SLC9A9: variants seen among roughly 807,000 people sequenced by gnomAD.
SLC9A9 encodes solute carrier family 9 member A9, also known as sodium/hydrogen exchanger 9.
SLC9A9 carries 62 observed loss-of-function variants against 77.8 expected under a neutral mutation model. The observed-to-expected ratio is 0.80, with a 90% CI of 0.65 to 0.98. The LOEUF (loss-of-function observed/expected upper bound fraction) is 0.98. Ranked by LOEUF, SLC9A9 falls within the 50% of genes least tolerant of loss-of-function variation. SLC9A9 has a pLI of 0.00. For missense variants in SLC9A9, 775 were observed against 774.9 expected, an observed-to-expected ratio of 1.00 and a Z score of 0.00; for synonymous variants, 320 against 283.5, an observed-to-expected ratio of 1.13 and a Z score of -1.29.
At chr3:143,685,929 G>A (rs1453569457) in intron 5 of SLC9A9, among the ~76,000 whole-genome samples, 4 of 152,148 alleles carry the variant, frequency 2.6e-5, no homozygotes, top group East Asian at 3.8e-4. Context: ...AAGAGGAAAG[G>A]CACATATCTT....
chr3:143,273,463 T>C (rs1937953892), intron 14 of SLC9A9, among the ~76,000 whole-genome samples: 2 of 152,156 alleles, frequency 1.3e-5, no homozygotes, highest in Admixed American at 1.3e-4. Context: ...GAAGAGATCA[T>C]GTGAGACCAT....
At chr3:143,618,330 G>C (rs2038142042) in intron 6 of SLC9A9, among the ~76,000 whole-genome samples, 2 of 152,136 alleles carry the variant, frequency 1.3e-5, no homozygotes, top group Non-Finnish European at 2.9e-5. Flanking sequence ...AGTATAGAGA[G>C]GGTCTTTGGA....
intron 11 of SLC9A9, among the ~76,000 whole-genome samples, chr3:143,473,024 A>G (rs1479006025): frequency 6.7e-6 from 1 of 150,138 alleles, no homozygotes; most frequent in East Asian, 1.9e-4. Flanking sequence ...TTTTTTCACT[A>G]GAAGTGCACA....
intron 12 of SLC9A9, among the ~76,000 whole-genome samples, chr3:143,426,630 GA>G (rs1207906716): frequency 1.3e-5 from 2 of 152,170 alleles, no homozygotes; most frequent in East Asian, 1.9e-4. Context: ...GCAGCATGCA[GA>G]AAAAAACATT....
rs967758872 is a variant in SLC9A9, at chr3:143,318,121, G to T, written c.1604+45363C>A. Among the ~76,000 whole-genome samples, 3 of 152,182 alleles carry T rather than the reference G, an allele frequency of 2.0e-5. No homozygotes were observed. In the East Asian group the frequency reaches 5.8e-4, roughly 29 times the overall value. ...GATTGTTATAACCACCAGCAGTGGG[G>T]CTGGATGTTGATGTAGTCTTTTTAT... On this transcript the variant is annotated intron_variant, in intron 14 of 15. Coordinates refer to ENST00000316549, the MANE Select transcript of SLC9A9 (RefSeq NM_173653.4).
At chr3:143,345,269 G>A (rs2032227308) in intron 14 of SLC9A9, among the ~76,000 whole-genome samples, 1 of 152,132 alleles carries the variant, frequency 6.6e-6, no homozygotes, top group African/African-American at 2.4e-5. Flanking sequence ...AGAAAAGAAG[G>A]GGGCCTTGGA....
chr3:143,420,899 C>T (rs895773397), intron 12 of SLC9A9, among the ~76,000 whole-genome samples: 2 of 150,162 alleles, frequency 1.3e-5, no homozygotes, highest in African/African-American at 4.9e-5. Context: ...CAAGACTCTG[C>T]CAAAAGGCTC....
intron 11 of SLC9A9, among the ~76,000 whole-genome samples, chr3:143,481,800 G>T (rs1444260456): frequency 6.6e-6 from 1 of 152,182 alleles, no homozygotes; most frequent in Non-Finnish European, 1.5e-5. Context: ...ATGGGGACTG[G>T]TAATTACTGT....
At chr3:143,755,355 T>G (rs2006888100) in intron 4 of SLC9A9, among the ~76,000 whole-genome samples, 1 of 152,222 alleles carries the variant, frequency 6.6e-6, no homozygotes, top group African/African-American at 2.4e-5. Context: ...AAAATAGTTA[T>G]GTGACCATAG....
chr3:143,710,388 GGT>G (rs1205227998), intron 4 of SLC9A9, among the ~76,000 whole-genome samples: 1 of 152,144 alleles, frequency 6.6e-6, no homozygotes, highest in African/African-American at 2.4e-5. Context: ...CTTCCTGGAA[GGT>G]GAATAAAATT....
At chr3:143,717,569 C>T (rs1378711430) in intron 4 of SLC9A9, among the ~76,000 whole-genome samples, 1 of 152,156 alleles carries the variant, frequency 6.6e-6, no homozygotes, top group Non-Finnish European at 1.5e-5. Flanking sequence ...TCCATTGGAG[C>T]TTAGTGGTGG....
chr3:143,699,628 T>C (rs1028741584), intron 4 of SLC9A9, among the ~76,000 whole-genome samples: 1 of 152,080 alleles, frequency 6.6e-6, no homozygotes, highest in Non-Finnish European at 1.5e-5. Context: ...AGAGGAAGTA[T>C]AAAACCAGCC....
chr3:143,392,267 A>G (rs1240084673), intron 12 of SLC9A9, among the ~76,000 whole-genome samples: 1 of 152,220 alleles, frequency 6.6e-6, no homozygotes, highest in East Asian at 1.9e-4. Context: ...CAGAAACTCT[A>G]CAAGCCAGAA....
intron 4 of SLC9A9, among the ~76,000 whole-genome samples, chr3:143,710,341 T>A (rs1269270030): frequency 2.6e-5 from 4 of 152,230 alleles, no homozygotes; most frequent in African/African-American, 9.6e-5. Flanking sequence ...CCATGATTTT[T>A]CACCTTAAAA....
At chr3:143,769,105 A>C (rs1275102386) in intron 4 of SLC9A9, among the ~76,000 whole-genome samples, 2 of 152,188 alleles carry the variant, frequency 1.3e-5, no homozygotes, top group Non-Finnish European at 2.9e-5. Context: ...AAGGAGATAA[A>C]CATATGTAAA....
chr3:143,549,013 G>A (rs1283230702), intron 9 of SLC9A9, among the ~76,000 whole-genome samples: 4 of 152,222 alleles, frequency 2.6e-5, no homozygotes, highest in African/African-American at 9.7e-5. Context: ...GGCAACAGAG[G>A]CAAAGCAGCT....
intron 14 of SLC9A9, among the ~76,000 whole-genome samples, chr3:143,333,887 G>A (rs1314097857): frequency 6.8e-6 from 1 of 146,958 alleles, no homozygotes; most frequent in Admixed American, 6.8e-5. Flanking sequence ...TTTTTGTGGA[G>A]CCCCAGGATT....
chr3:143,554,570 C>T (rs1191410473), intron 8 of SLC9A9, among the ~76,000 whole-genome samples: 1 of 152,190 alleles, frequency 6.6e-6, no homozygotes, highest in Non-Finnish European at 1.5e-5. Context: ...GCCTCCCTGC[C>T]TCCCATGGTA....
intron 9 of SLC9A9, among the ~76,000 whole-genome samples, chr3:143,550,907 G>A (rs1338043921): frequency 6.6e-6 from 1 of 152,074 alleles, no homozygotes; most frequent in Non-Finnish European, 1.5e-5. Flanking sequence ...TCTTGTTATG[G>A]GCTGAACTGT....
Sources: allele counts gnomAD v4.1 joint callset (sites outside exome capture counted in the v4.1 genomes callset), GRCh38; gene constraint gnomAD v4.1.1; transcripts MANE v1.5; gene names NCBI Gene and HGNC (gene_info 2026-07-23, HGNC 2026-07-21).